The following PSPC1 variants were observed in gnomAD, a reference collection of about 807,000 sequenced individuals.
The protein encoded by PSPC1 is paraspeckle component 1.
A neutral mutation model predicts 51.6 loss-of-function variants in PSPC1; 14 were observed. The ratio of observed to expected loss-of-function variants is 0.27; its 90% CI spans 0.18 to 0.42. The LOEUF is 0.42. PSPC1 is among the 10% of genes least tolerant of loss of function. PSPC1 has a pLI of 1.00. For missense variants in PSPC1, 406 were observed against 701.1 expected (o/e 0.58, Z 4.75); for synonymous variants, 193 against 231.9 (o/e 0.83, Z 1.53).
At chr13:19,694,015 T>C (rs1441003755) in intron 6 of PSPC1, among the ~76,000 whole-genome samples, 7 of 148,416 alleles carry the variant, frequency 4.7e-5, no homozygotes, top group Non-Finnish European at 1.0e-4. Flanking sequence ...CCCAGCTACT[T>C]GGGAGGCTGA....
chr13:19,713,011 C>T (rs1214577213), intron 6 of PSPC1, among the ~76,000 whole-genome samples: 1 of 152,070 alleles, frequency 6.6e-6, no homozygotes, highest in Non-Finnish European at 1.5e-5. Flanking sequence ...TGAAATACAG[C>T]ATTCTTCACT....
chr13:19,671,249 A>G (rs1323817768), downstream of PSPC1: 3 of 1,614,102 alleles, frequency 1.9e-6, no homozygotes, highest in Non-Finnish European at 2.5e-6. Context: ...GCAGGTCCCA[A>G]TAAACTCTTC....
chr13:19,711,464 G>A (rs1281253581), intron 6 of PSPC1, among the ~76,000 whole-genome samples: 29 of 151,930 alleles, frequency 1.9e-4, no homozygotes, highest in Middle Eastern at 3.4e-3. Context: ...GTGAAACCCC[G>A]TTTCTACTAA....
At chr13:19,744,193 T>C (rs1287041609) in intron 4 of PSPC1, among the ~76,000 whole-genome samples, 1 of 152,046 alleles carries the variant, frequency 6.6e-6, no homozygotes, top group African/African-American at 2.4e-5. Context: ...TGGAGTAGAG[T>C]GGCATGATGG....
At chr13:19,769,206 T>C (rs1888378953) in intron 2 of PSPC1, among the ~76,000 whole-genome samples, 1 of 150,966 alleles carries the variant, frequency 6.6e-6, no homozygotes, top group South Asian at 2.1e-4. Context: ...ATCTCAGCAC[T>C]TTGGGAGGCC....
intron 4 of PSPC1, among the ~76,000 whole-genome samples, chr13:19,745,302 C>G (rs1306528939): frequency 6.6e-6 from 1 of 152,052 alleles, no homozygotes; most frequent in African/African-American, 2.4e-5. Context: ...CTGGGTGACA[C>G]AGCAAGACTG....
At position 19,772,350 on chromosome 13, in the gene PSPC1, A is replaced by G. The variant is rs1888700851; in HGVS notation, c.566T>C (p.Val189Ala). 2.5e-6 allele frequency: 4 copies of G among 1,614,240 alleles called. No individual in the cohort carries two copies. The highest frequency in any genetic ancestry group is 3.4e-6 in the Non-Finnish European group (4 of 1,180,044). ...TCCTGTAGCTCTACCGCGATCATCC[A>G]CAACCACAACAGCTTTCTCTACTGG... The part of the protein sequence containing the change: ...FGPVEKAVVV[V>A]DDRGRATGKG... Residue 189 changes from valine (V) to alanine (A), a missense_variant, in exon 2 of 9, where the codon GTG (valine) becomes GCG (alanine). By Grantham distance (64) the Val-to-Ala change is moderately conservative (BLOSUM62 0). Around this residue, in one of 5 missense-constraint regions of PSPC1, gnomAD observed 180 missense variants for 337.9 expected, o/e 0.53. Coordinates refer to ENST00000338910, the MANE Select transcript of PSPC1 (RefSeq NM_001354909.2).
At chr13:19,675,106 C>T (rs548924471) in intron 7 of PSPC1, 1 of 153,058 alleles carries the variant, frequency 6.5e-6, no homozygotes, top group South Asian at 2.1e-4. Flanking sequence ...CCACGCATCC[C>T]CGCAGCACAC....
chr13:19,750,359 G>C (rs543943914), intron 4 of PSPC1, among the ~76,000 whole-genome samples: 11 of 152,004 alleles, frequency 7.2e-5, no homozygotes, highest in Non-Finnish European at 1.3e-4. Flanking sequence ...TTGAACCCAG[G>C]TGGTGGAGGC....
intron 2 of PSPC1, among the ~76,000 whole-genome samples, chr13:19,768,388 C>A (rs1044164497): frequency 6.6e-6 from 1 of 152,172 alleles, no homozygotes; most frequent in East Asian, 1.9e-4. Context: ...TGGCTCACGC[C>A]TGTAATCCCA....
chr13:19,744,563 TTC>T (rs1399209230), intron 4 of PSPC1, among the ~76,000 whole-genome samples: 1 of 151,660 alleles, frequency 6.6e-6, no homozygotes. Context: ...GTCTTTTTTT[TTC>T]TTTTTTTTCT....
chr13:19,765,035 T>C (rs1887933600), intron 2 of PSPC1, among the ~76,000 whole-genome samples: 1 of 152,082 alleles, frequency 6.6e-6, no homozygotes, highest in African/African-American at 2.4e-5. Flanking sequence ...CATGTACCAT[T>C]TTGTGATGGT....
chr13:19,693,445 A>C (rs1878803231), intron 6 of PSPC1, among the ~76,000 whole-genome samples: 1 of 152,174 alleles, frequency 6.6e-6, no homozygotes, highest in African/African-American at 2.4e-5. Flanking sequence ...TCTGTTCTAC[A>C]GTTGGTGTCA....
intron 6 of PSPC1, among the ~76,000 whole-genome samples, chr13:19,722,570 G>A (rs908563614): frequency 2.0e-5 from 3 of 152,172 alleles, no homozygotes; most frequent in Non-Finnish European, 4.4e-5. Flanking sequence ...GAGGTAGGTG[G>A]ATCACCTGAG....
chr13:19,715,405 A>G lies in PSPC1; in HGVS notation c.1159-5806T>C, dbSNP rs576267274. Among the ~76,000 whole-genome samples the G allele has an allele frequency of 3.3e-5, 5 of 152,306 alleles. No individual in the cohort carries two copies. In the South Asian group the frequency reaches 6.2e-4, roughly 19 times the overall value. On this transcript the variant is annotated intron_variant, in intron 6 of 8. Coordinates refer to ENST00000338910, the MANE Select transcript of PSPC1 (RefSeq NM_001354909.2). Reference sequence around the variant, plus strand: ...ATGGCACTTTTTGTGCAGAACATGGATATTTTTCCTTTAATATTTAGTACT... The same window carrying G: ...ATGGCACTTTTTGTGCAGAACATGGGTATTTTTCCTTTAATATTTAGTACT...
intron 2 of PSPC1, among the ~76,000 whole-genome samples, chr13:19,767,397 T>A (rs1387161921): frequency 1.3e-5 from 2 of 152,116 alleles, no homozygotes; most frequent in African/African-American, 4.8e-5. Context: ...CAAAATTTTT[T>A]AAATTTTAGG....
intron 3 of PSPC1, among the ~76,000 whole-genome samples, chr13:19,752,186 G>T (rs1886624638): frequency 6.6e-6 from 1 of 152,072 alleles, no homozygotes; most frequent in Non-Finnish European, 1.5e-5. Context: ...AATTGGGTAG[G>T]CCCCAAAAAT....
At chr13:19,711,172 T>G (rs1881357975) in intron 6 of PSPC1, among the ~76,000 whole-genome samples, 1 of 152,166 alleles carries the variant, frequency 6.6e-6, no homozygotes, top group Admixed American at 6.5e-5. Flanking sequence ...TCCTAAAAAT[T>G]TCTCATCATA....
At chr13:19,691,691 G>A (rs1171602046) in intron 6 of PSPC1, among the ~76,000 whole-genome samples, 1 of 152,188 alleles carries the variant, frequency 6.6e-6, no homozygotes, top group Non-Finnish European at 1.5e-5. Context: ...GGCCGAGGTA[G>A]GCGGATCACT....
Sources: allele counts gnomAD v4.1 joint callset (sites outside exome capture counted in the v4.1 genomes callset), GRCh38; gene constraint gnomAD v4.1.1; regional missense constraint gnomAD v4.1.1; transcripts MANE v1.5; gene names NCBI Gene and HGNC (gene_info 2026-07-23, HGNC 2026-07-21).